The following MAGI3 variants were observed in gnomAD, a reference collection of about 807,000 sequenced individuals.
MAGI3 encodes the protein membrane-associated guanylate kinase, WW and PDZ domain-containing protein 3.
Under a neutral mutation model 121.8 loss-of-function variants are expected in MAGI3, and 43 were observed. That is an observed-to-expected ratio of 0.35 (90% CI 0.28 to 0.46). The LOEUF (loss-of-function observed/expected upper bound fraction) is 0.46, where lower values mean the gene tolerates loss of function less well. MAGI3 is among the 20% of genes least tolerant of loss of function. The pLI is 1.00. For synonymous variants in MAGI3, 553 were observed against 639.3 expected, an observed-to-expected ratio of 0.86 and a Z score of 2.04; for missense variants, 1,547 against 1,797.3, an observed-to-expected ratio of 0.86 and a Z score of 2.52.
chr1:113,513,480 A>G (rs949708327), intron 1 of MAGI3, among the ~76,000 whole-genome samples: 2 of 152,204 alleles, frequency 1.3e-5, no homozygotes, highest in African/African-American at 4.8e-5. Context: ...CCACCTATCT[A>G]CAACTATCTG....
chr1:113,425,587 A>T (rs539594814), intron 1 of MAGI3, among the ~76,000 whole-genome samples: 6 of 152,198 alleles, frequency 3.9e-5, no homozygotes, highest in Non-Finnish European at 7.4e-5. Flanking sequence ...CCCAGCCTAC[A>T]AATTCAATTT....
intron 1 of MAGI3, among the ~76,000 whole-genome samples, chr1:113,515,010 A>G (rs1373037784): frequency 6.6e-6 from 1 of 152,120 alleles, no homozygotes; most frequent in African/African-American, 2.4e-5. Flanking sequence ...TATATTGTGC[A>G]TCTTTGTAAG....
intron 15 of MAGI3, among the ~76,000 whole-genome samples, chr1:113,657,895 G>A (rs988739750): frequency 6.6e-6 from 1 of 152,204 alleles, no homozygotes; most frequent in Non-Finnish European, 1.5e-5. Context: ...ATTCCTAGAA[G>A]AGCCAGGGCA....
intron 14 of MAGI3, among the ~76,000 whole-genome samples, chr1:113,653,049 A>G (rs2100986152): frequency 6.6e-6 from 1 of 152,326 alleles, no homozygotes; most frequent in African/African-American, 2.4e-5. Flanking sequence ...CACTCAGGAA[A>G]CTGCAGTTGC....
chr1:113,625,288 G>A (rs1363400752), intron 9 of MAGI3, among the ~76,000 whole-genome samples: 1 of 152,122 alleles, frequency 6.6e-6, no homozygotes, highest in East Asian at 1.9e-4. Flanking sequence ...CTATAGATTG[G>A]TTTGGGTAGT....
chr1:113,520,492 T>C (rs1023007888), intron 1 of MAGI3, among the ~76,000 whole-genome samples: 4 of 152,218 alleles, frequency 2.6e-5, no homozygotes, highest in Non-Finnish European at 4.4e-5. Context: ...GATTTTAAAA[T>C]AAGCTTACTT....
At position 113,486,493 on chromosome 1, in the gene MAGI3, G is replaced by T. The variant is rs77394082; in HGVS notation, c.317-63022G>T. On this transcript the variant is annotated intron_variant, in intron 1 of 20. Transcript: ENST00000307546. ...TTGCAGCTATTGTGAAAGGGGTTGA[G>T]TTCTTGATTTGATTCTCAGTCAAGC... Among the ~76,000 whole-genome samples, 17 of 152,160 alleles carry T rather than the reference G, an allele frequency of 1.1e-4. No individual in the cohort carries two copies. The East Asian group carries it at 3.3e-3, about 29-fold the overall frequency.
At chr1:113,520,639 C>G (rs1157745673) in intron 1 of MAGI3, among the ~76,000 whole-genome samples, 1 of 152,012 alleles carries the variant, frequency 6.6e-6, no homozygotes, top group Non-Finnish European at 1.5e-5. Flanking sequence ...GAGTCTCACT[C>G]TGTCACCTAG....
intron 2 of MAGI3, chr1:113,576,661 G>A (rs551589716): frequency 6.6e-6 from 1 of 152,274 alleles, no homozygotes; most frequent in Non-Finnish European, 1.5e-5. Context: ...CAGAGAAATG[G>A]GGAAAGACTT....
At chr1:113,625,511 A>G (rs1224759505) in intron 9 of MAGI3, among the ~76,000 whole-genome samples, 1 of 152,194 alleles carries the variant, frequency 6.6e-6, no homozygotes, top group Non-Finnish European at 1.5e-5. Flanking sequence ...TCACTGGCAT[A>G]TAGAAAGGCT....
chr1:113,480,683 G>A (rs1309784532), intron 1 of MAGI3, among the ~76,000 whole-genome samples: 1 of 152,238 alleles, frequency 6.6e-6, no homozygotes, highest in Non-Finnish European at 1.5e-5. Flanking sequence ...ACCGTCTTCA[G>A]TGTGCCTTCT....
At chr1:113,606,182 G>T (rs1186543151) in intron 6 of MAGI3, among the ~76,000 whole-genome samples, 1 of 151,882 alleles carries the variant, frequency 6.6e-6, no homozygotes, top group East Asian at 1.9e-4. Context: ...GGCCAGGCTG[G>T]TCTGAAACTC....
intron 10 of MAGI3, 59 bp from the exon 11 acceptor site, chr1:113,643,684 T>G: frequency 9.3e-6 from 14 of 1,505,878 alleles, no homozygotes; most frequent in South Asian, 2.3e-5. Context: ...ACATTAGCAG[T>G]ATTTGTGATC....
intron 1 of MAGI3, among the ~76,000 whole-genome samples, chr1:113,488,000 C>G (rs1430165491): frequency 6.6e-6 from 1 of 152,136 alleles, no homozygotes; most frequent in South Asian, 2.1e-4. Flanking sequence ...TGATAGAGAA[C>G]AAACTTGTTC....
Position 113,426,954 on chromosome 1 carries a change from C to CTA in MAGI3, c.316+35619_316+35620dup, listed in dbSNP as rs113326366. 6.8e-3 allele frequency among the ~76,000 whole-genome samples: 1,021 copies of CTA among 149,506 alleles called. 5 individuals are homozygous for CTA. Among genetic ancestry groups the CTA allele is most frequent in the African/African-American group, 0.014 (575 of 40,920 alleles). On this transcript the variant is annotated intron_variant, in intron 1 of 20. Coordinates refer to ENST00000307546, the MANE Select transcript of MAGI3 (RefSeq NM_001142782.2). ...TCTCTCTATATATATCTGTATCTAT[C>CTA]TATATATATATATATGATCATATAT...
intron 9 of MAGI3, among the ~76,000 whole-genome samples, chr1:113,625,253 A>C (rs1651160265): frequency 6.6e-6 from 1 of 152,070 alleles, no homozygotes; most frequent in Non-Finnish European, 1.5e-5. Flanking sequence ...ATTTTGATAG[A>C]GATTTGATAG....
intron 16 of MAGI3, among the ~76,000 whole-genome samples, chr1:113,663,235 AATATATAT>A (rs3081634): frequency 2.8e-5 from 4 of 144,036 alleles, no homozygotes; most frequent in Non-Finnish European, 4.5e-5. Flanking sequence ...CAAAAACAGA[AATATATAT>A]ATATATATAT....
chr1:113,478,649 A>T (rs1655967732), intron 1 of MAGI3, among the ~76,000 whole-genome samples: 1 of 152,134 alleles, frequency 6.6e-6, no homozygotes, highest in Admixed American at 6.5e-5. Flanking sequence ...TGTCTATATG[A>T]GGTGGCTGTC....
At chr1:113,536,144 GTTTTTTT>G (rs34587648) in intron 1 of MAGI3, among the ~76,000 whole-genome samples, 5,916 of 145,534 alleles carry the variant, frequency 0.041, 146 homozygotes, top group Admixed American at 0.099. Flanking sequence ...GAAGACATGT[GTTTTTTT>G]TTTTTTTTAA....
Sources: gnomAD v4.1 joint callset for allele counts (sites outside exome capture counted in the v4.1 genomes callset) on GRCh38, gnomAD v4.1.1 for gene constraint, MANE v1.5 for transcripts, NCBI Gene and HGNC (gene_info 2026-07-23, HGNC 2026-07-21) for gene names.